The following WWOX variants were observed in gnomAD, a reference collection of about 807,000 sequenced individuals.
WWOX encodes the protein WW domain-containing oxidoreductase.
WWOX carries 69 observed loss-of-function variants against 46.2 expected under a neutral mutation model. That is an observed-to-expected ratio of 1.49 (90% confidence interval 1.23 to 1.82). WWOX has a LOEUF of 1.82. Ranked by LOEUF, WWOX falls within the 40% of genes most tolerant of loss-of-function variation. The probability of loss-of-function intolerance (pLI) is 0.00; values close to 1 mark genes in which losing one functional copy is unlikely to be tolerated. For synonymous variants in WWOX, 359 were observed against 202.6 expected (o/e 1.77, Z -6.56); for missense variants, 919 against 542.6 (o/e 1.69, Z -6.89).
chr16:78,428,411 C>T (rs139740017), intron 7 of WWOX, among the ~76,000 whole-genome samples: 5 of 152,184 alleles, frequency 3.3e-5, no homozygotes, highest in Non-Finnish European at 7.3e-5. Flanking sequence ...GCTAATGAGA[C>T]TGTAAAAGTG....
chr16:78,673,829 G>A (rs991822253), intron 8 of WWOX, among the ~76,000 whole-genome samples: 3 of 151,920 alleles, frequency 2.0e-5, no homozygotes, highest in South Asian at 4.2e-4. Context: ...GATTTCTATC[G>A]TATCCTCCCG....
rs1471472523 is a variant in WWOX at position 78,119,020 on chromosome 16, C to G, written c.409+3866C>G. The G allele has an allele frequency of 2.6e-5, 4 of 152,322 alleles. No individual in the cohort carries two copies. The East Asian group carries it at 7.7e-4, about 29-fold the overall frequency. 9.4% of individuals were successfully genotyped at this position (152,322 alleles called of 1,614,324 possible). ...CTTGTGGACCTCTCTCTGTGGAGAT[C>G]AGCATCTCAGTATCCAGGGGGAAGC... On this transcript the variant is annotated intron_variant, in intron 4 of 8. Transcript: ENST00000566780.
chr16:78,773,394 C>T (rs1451335032), intron 8 of WWOX, among the ~76,000 whole-genome samples: 2 of 152,206 alleles, frequency 1.3e-5, no homozygotes, highest in Non-Finnish European at 2.9e-5. Context: ...TGGTCCCACC[C>T]ATGGGTAAGT....
chr16:78,205,551 A>G (rs1056255542), intron 5 of WWOX, among the ~76,000 whole-genome samples: 3 of 151,432 alleles, frequency 2.0e-5, no homozygotes, highest in African/African-American at 7.3e-5. Context: ...CCATGAATCT[A>G]TCCATCCATC....
chr16:78,460,293 A>G (rs1777314247), intron 8 of WWOX, among the ~76,000 whole-genome samples: 1 of 152,068 alleles, frequency 6.6e-6, no homozygotes, highest in Admixed American at 6.6e-5. Context: ...ACACCCAGCT[A>G]GTTTTTCTAT....
chr16:78,899,479 C>G (rs1216612322), intron 8 of WWOX: 1 of 152,142 alleles, frequency 6.6e-6, no homozygotes, highest in Non-Finnish European at 1.5e-5. Flanking sequence ...AATACAATGA[C>G]TGATACACAG....
chr16:78,652,969 T>C (rs368046785), intron 8 of WWOX, among the ~76,000 whole-genome samples: 1 of 152,150 alleles, frequency 6.6e-6, no homozygotes, highest in South Asian at 2.1e-4. Flanking sequence ...ATAATATACA[T>C]GGTAGAAGGA....
intron 8 of WWOX, among the ~76,000 whole-genome samples, chr16:79,053,781 A>G (rs1306871303): frequency 6.6e-6 from 1 of 152,188 alleles, no homozygotes; most frequent in African/African-American, 2.4e-5. Context: ...AATGAAAACC[A>G]TTAATCCTGG....
chr16:78,367,752 CTTTTT>C (rs555870901), intron 5 of WWOX, among the ~76,000 whole-genome samples: 4 of 145,550 alleles, frequency 2.7e-5, no homozygotes, highest in Non-Finnish European at 4.6e-5. Flanking sequence ...GGGCCAACCT[CTTTTT>C]TTTTTTTCTT....
chr16:78,879,468 C>A (rs1187662232), intron 8 of WWOX, among the ~76,000 whole-genome samples: 1 of 151,674 alleles, frequency 6.6e-6, no homozygotes, highest in Non-Finnish European at 1.5e-5. Context: ...CTTCCCCAAA[C>A]ATGTAATACC....
chr16:78,878,853 T>C (rs1432990028), intron 8 of WWOX, among the ~76,000 whole-genome samples: 1 of 139,550 alleles, frequency 7.2e-6, no homozygotes, highest in Middle Eastern at 3.9e-3. Context: ...TCCAGGAGTT[T>C]GAGACCAGCC....
chr16:78,608,070 A>T (rs1487633697), intron 8 of WWOX, among the ~76,000 whole-genome samples: 1 of 152,196 alleles, frequency 6.6e-6, no homozygotes, highest in Non-Finnish European at 1.5e-5. Flanking sequence ...AATGTGGGAG[A>T]TGGAACCATT....
intron 5 of WWOX, among the ~76,000 whole-genome samples, chr16:78,204,148 A>C (rs1019253632): frequency 6.6e-6 from 1 of 152,236 alleles, no homozygotes; most frequent in Non-Finnish European, 1.5e-5. Context: ...GAGCCATAGC[A>C]GCTGGCTTCC....
At chr16:78,958,070 C>T (rs1035059954) in intron 8 of WWOX, among the ~76,000 whole-genome samples, 2 of 152,156 alleles carry the variant, frequency 1.3e-5, no homozygotes, top group African/African-American at 4.8e-5. Context: ...ACTAACATTG[C>T]CTGGGTCTTG....
chr16:79,099,958 T>G lies in WWOX; in HGVS notation c.1057-111650T>G, dbSNP rs1417798352. 2.0e-5 allele frequency among the ~76,000 whole-genome samples: 3 copies of G among 152,210 alleles called. No individual in the cohort carries two copies. The South Asian group carries it at 6.2e-4, about 32-fold the overall frequency. The stretch of plus-strand genomic sequence containing the variant: ...GCAGTCGAGAGAGGCAGACAGGAAC[T>G]CTTGGCATATGCTAAAGCTGCTATC... On this transcript the variant is annotated intron_variant, in intron 8 of 8. Transcript: ENST00000566780.
At chr16:79,186,125 A>T (rs2051009669) in intron 8 of WWOX, among the ~76,000 whole-genome samples, 2 of 152,134 alleles carry the variant, frequency 1.3e-5, no homozygotes, top group Admixed American at 1.3e-4. Context: ...ACAGATGGTC[A>T]TATGTTCCTA....
chr16:78,257,031 C>T (rs900638367), intron 5 of WWOX, among the ~76,000 whole-genome samples: 5 of 151,964 alleles, frequency 3.3e-5, no homozygotes, highest in South Asian at 2.1e-4. Context: ...GACTTGAGGC[C>T]GTGTCTTTTA....
At chr16:78,234,544 C>T (rs574929108) in intron 5 of WWOX, among the ~76,000 whole-genome samples, 3 of 151,884 alleles carry the variant, frequency 2.0e-5, no homozygotes, top group African/African-American at 4.8e-5. Context: ...TTCAAAGCAT[C>T]GAAAAAGGGT....
intron 8 of WWOX, among the ~76,000 whole-genome samples, chr16:79,199,481 C>T (rs1216987780): frequency 1.3e-5 from 2 of 152,194 alleles, no homozygotes; most frequent in African/African-American, 4.8e-5. Context: ...AGGAGGCCGC[C>T]AGGTGGCACA....
Sources: allele counts gnomAD v4.1 joint callset (sites outside exome capture counted in the v4.1 genomes callset), GRCh38; gene constraint gnomAD v4.1.1; transcripts MANE v1.5; gene names NCBI Gene and HGNC (gene_info 2026-07-23, HGNC 2026-07-21).